Variants in AKT1S1 observed in about 807,000 individuals in gnomAD.
The protein encoded by AKT1S1 is AKT1 substrate 1, also known as proline-rich AKT1 substrate 1.
In AKT1S1, 17 loss-of-function variants were observed where a neutral mutation model predicts 21.2. The ratio of observed to expected loss-of-function variants is 0.80; its 90% CI spans 0.55 to 1.20. AKT1S1 has a LOEUF of 1.20. Among genes scored for constraint, AKT1S1 ranks in the 50% most tolerant of loss-of-function variants. The pLI, the probability that AKT1S1 is intolerant of heterozygous loss-of-function variation, is 0.00. For synonymous variants in AKT1S1, 181 were observed against 165.6 expected (o/e 1.09, Z -0.72); for missense variants, 366 against 368.3 (o/e 0.99, Z 0.05).
rs766406368 is a variant in AKT1S1 at position 49,873,159 on chromosome 19, T to C, written c.137A>G (p.Tyr46Cys). 2.0e-6 allele frequency: 3 copies of C among 1,537,360 alleles called. No homozygotes were observed. The South Asian group carries it at 3.6e-5, about 18-fold the overall frequency. Residue 46 changes from tyrosine to cysteine, a missense_variant, in exon 2 of 5, where the codon TAT becomes TGT. Physicochemically the swap from Tyr to Cys is radical, Grantham distance 194. Transcript: ENST00000344175. This position sits in a 1 kb window ranked among gnomAD's most constrained non-coding sequence, Gnocchi z 6.9. The stretch of plus-strand genomic sequence containing the variant: ...CAGGGCTCCTCGACCATGGGCAGCA[T>C]AGGCACAGGGGCCCGGGCGGGGTGG... ...PPPPRPGPCAYAAHGRGALAE... is the reference protein window; with the variant it reads ...PPPPRPGPCACAAHGRGALAE...
At chr19:49,876,105 C>G (rs2074939660) in intron 1 of AKT1S1, 1 of 987,952 alleles carries the variant, frequency 1.0e-6, no homozygotes, top group African/African-American at 1.7e-5. Context: ...ATTTTAGTAC[C>G]CCACACCCCA....
intron 2 of AKT1S1, among the ~76,000 whole-genome samples, chr19:49,872,255 G>A (rs1275840325): frequency 2.6e-5 from 4 of 152,174 alleles, no homozygotes; most frequent in Admixed American, 2.0e-4. Context: ...TCACTTGCCC[G>A]AGGTCCCATG....
At chr19:49,878,073 C>T, upstream of AKT1S1, 1 of 1,302,530 alleles carries the variant, frequency 7.7e-7, no homozygotes, top group South Asian at 1.3e-5. Flanking sequence ...TCCCTGGGCC[C>T]GTCCCTATTG....
rs199876698 is a variant in AKT1S1 at position 49,873,060 on chromosome 19, G to A, written c.236C>T (p.Ala79Val). Reference protein sequence around the residue: ...HRAATAARPPAPPPAPQPPSP... With the variant: ...HRAATAARPPVPPPAPQPPSP... ...GGGTGGCTGTGGTGCTGGTGGGGGC[G>A]CAGGAGGCCGAGCAGCAGTGGCAGC... is the stretch of plus-strand genomic sequence containing the variant. Residue 79 changes from alanine (A) to valine (V), a missense_variant, in exon 2 of 5, where the codon GCG becomes GTG. Ala to Val is a moderately conservative substitution (Grantham distance 64). Transcript: ENST00000344175. This position sits in a 1 kb window ranked among gnomAD's most constrained non-coding sequence, Gnocchi z 6.9. 1.1e-4 allele frequency: 171 copies of A among 1,555,266 alleles called. No individual in the cohort carries two copies. The highest frequency in any genetic ancestry group is 1.4e-4 in the Non-Finnish European group (165 of 1,151,180).
chr19:49,872,724 A>C (rs1364987062), intron 2 of AKT1S1, among the ~76,000 whole-genome samples, 193 bp downstream of exon 2: 1 of 152,180 alleles, frequency 6.6e-6, no homozygotes, highest in Admixed American at 6.5e-5. Context: ...CCCCAGGACC[A>C]GTAAGGCTCA....
At chr19:49,871,348 A>G (rs1289856167) in intron 4 of AKT1S1, among the ~76,000 whole-genome samples, 199 bp downstream of exon 4, 1 of 152,226 alleles carries the variant, frequency 6.6e-6, no homozygotes, top group Non-Finnish European at 1.5e-5. Context: ...GGCCTTCTCT[A>G]TAAGGCACTA....
Position 49,871,924 on chromosome 19 carries a change from C to T in AKT1S1, c.380-35G>A, listed in dbSNP as rs79399600. 170 of 1,604,290 alleles carry T rather than the reference C, an allele frequency of 1.1e-4. No individual in the cohort carries two copies. The East Asian group carries it at 3.7e-3, about 35-fold the overall frequency. On this transcript the variant is annotated intron_variant, in intron 2 of 4. Transcript: ENST00000344175. ...ACCTGAGTTAGAGGCCCAGGCCAGG[C>T]AGCACCTAGCCATGCTCCATGTGTC...
Position 49,871,640 on chromosome 19 carries a change from C to T in AKT1S1, c.534G>A (p.Gln178=), listed in dbSNP as rs1036926349. ...ACACAGGCAGGGACTTGGCGTACTG[C>T]TGTGTGGGTAGGGCTGAGGCTGGGG... ...SVPPASALPT[Q]QYAKSLPVSV... Residue 178 remains glutamine (Q), a synonymous_variant, in exon 4 of 5, where the codon CAG becomes CAA. Transcript: ENST00000344175. 2.5e-6 allele frequency: 4 copies of T among 1,613,930 alleles called. No individual in the cohort carries two copies. The highest frequency in any genetic ancestry group is 3.4e-6 in the Non-Finnish European group (4 of 1,180,036).
intron 1 of AKT1S1, chr19:49,876,269 G>A (rs990313213): frequency 3.5e-6 from 4 of 1,154,522 alleles, no homozygotes; most frequent in Admixed American, 9.5e-5. Context: ...ACGGAGGCCA[G>A]GACCGGAAGT....
intron 1 of AKT1S1, chr19:49,876,261 G>A: frequency 1.8e-6 from 2 of 1,138,576 alleles, no homozygotes; most frequent in African/African-American, 1.6e-5. Flanking sequence ...CCGCCCAGAC[G>A]GAGGCCAGGA....
chr19:49,872,422 C>G (rs1292860167), intron 2 of AKT1S1, among the ~76,000 whole-genome samples: 1 of 152,206 alleles, frequency 6.6e-6, no homozygotes, highest in Admixed American at 6.5e-5. Flanking sequence ...CCGCAAAGCC[C>G]TAGCGTTACA....
At position 49,871,671 on chromosome 19, in the gene AKT1S1, G is replaced by C; in HGVS notation, c.503C>G (p.Ser168Ter). 1 of 1,613,788 alleles carries C rather than the reference G, an allele frequency of 6.2e-7. No individual in the cohort carries two copies. The highest frequency in any genetic ancestry group is 8.5e-7 in the Non-Finnish European group (1 of 1,179,916). Residue 168 changes from serine to a stop codon, truncating the protein, a stop_gained, in exon 4 of 5, where the codon TCA (serine) becomes TGA (stop). Coordinates refer to ENST00000344175, the MANE Select transcript of AKT1S1 (RefSeq NM_001098633.4). LOFTEE classifies it high-confidence loss of function. ...EETPAGPPTC[S>*]VPPASALPTQ... ...GGGTAGGGCTGAGGCTGGGGGCACT[G>C]AGCAGGTGGGGGGGCCGGCGGGGGT...
chr19:49,870,984 T>G (rs995532582), intron 4 of AKT1S1, among the ~76,000 whole-genome samples: 7 of 152,122 alleles, frequency 4.6e-5, no homozygotes, highest in African/African-American at 1.7e-4. Context: ...AGCCCACAGC[T>G]CCTTCCTGAA....
chr19:49,876,332 A>C (rs2122397778), intron 1 of AKT1S1: 4 of 1,198,170 alleles, frequency 3.3e-6, no homozygotes, highest in Admixed American at 4.4e-5. Flanking sequence ...CCATCCCCCG[A>C]CCCCGTGGAC....
At chr19:49,877,812 C>T (rs1248721623), upstream of AKT1S1, 3 of 1,521,922 alleles carry the variant, frequency 2.0e-6, no homozygotes, top group Non-Finnish European at 2.7e-6. Context: ...ATCAGCTCTT[C>T]TCTCAGGCCT....
chr19:49,876,540 C>A, intron 1 of AKT1S1: 1 of 1,464,366 alleles, frequency 6.8e-7, no homozygotes, highest in Non-Finnish European at 9.1e-7. Flanking sequence ...CTCCCAGCGC[C>A]CCGCTGCCTC....
intron 1 of AKT1S1, chr19:49,874,226 A>C (rs75272647): frequency 0.07 from 10,629 of 152,444 alleles, 652 homozygotes; most frequent in East Asian, 0.2. Flanking sequence ...AGTCTGCTCC[A>C]TAGGGGGTCC....
chr19:49,875,910 G>T, intron 1 of AKT1S1: 1 of 985,414 alleles, frequency 1.0e-6, no homozygotes, highest in South Asian at 4.7e-5. Context: ...TTCCTCCAAG[G>T]AGCTGAGAGA....
chr19:49,869,285 G>A lies in AKT1S1; in HGVS notation c.*632C>T, dbSNP rs779135516. ...GTGGGGATGGATGGAACCAATGAAA[G>A]GGGGTGCCAGAGGCAGGGACAGTTT... On this transcript the variant is annotated 3_prime_UTR_variant, in exon 5 of 5. Coordinates refer to ENST00000344175, the MANE Select transcript of AKT1S1 (RefSeq NM_001098633.4). The A allele has an allele frequency of 1.3e-5, 2 of 152,258 alleles. No homozygotes were observed. Among genetic ancestry groups the A allele is most frequent in the Admixed American group, 6.5e-5 (1 of 15,282 alleles). The allele number at this position is 152,258 out of a possible 1,614,324, so 9.4% of individuals were successfully genotyped here. A position where few individuals can be genotyped will look rare whatever the true frequency, so the allele number is the denominator to read the frequency against.
Sources: allele counts gnomAD v4.1 joint callset (sites outside exome capture counted in the v4.1 genomes callset), GRCh38; gene constraint gnomAD v4.1.1; non-coding constraint Gnocchi (gnomAD v3.1); transcripts MANE v1.5; gene names NCBI Gene and HGNC (gene_info 2026-07-23, HGNC 2026-07-21).